Variants in PAK5 observed in about 807,000 individuals in gnomAD.
PAK5 encodes the protein p21 (RAC1) activated kinase 5, also known as serine/threonine-protein kinase PAK 5.
PAK5 carries 16 observed loss-of-function variants against 65.9 expected under a neutral mutation model. That is an observed-to-expected ratio of 0.24 (90% CI 0.16 to 0.37). The LOEUF (loss-of-function observed/expected upper bound fraction) is 0.37. PAK5 is among the 10% of genes least tolerant of loss of function. The pLI, the probability that PAK5 is intolerant of heterozygous loss-of-function variation, is 1.00. For synonymous variants in PAK5, 371 were observed against 354.9 expected (o/e 1.05, Z -0.51); for missense variants, 785 against 903.9 (o/e 0.87, Z 1.69).
rs556134977 is a variant in PAK5 at position 9,539,088 on chromosome 20, CTT to C, written c.*372_*373del. 2,822 of 207,168 alleles carry C rather than the reference CTT, an allele frequency of 0.014. No homozygotes were observed. Among genetic ancestry groups the C allele is most frequent in the Middle Eastern group, 0.019 (13 of 680 alleles). The allele number at this position is 207,168 out of a possible 1,614,324, so 12.8% of individuals were successfully genotyped here. A position where few individuals can be genotyped will look rare whatever the true frequency, so the allele number is the denominator to read the frequency against. ...AAGTGCTTTTTGTTTTCCTTTCTTT[CTT>C]TTTTTTTTTTTTTTGCCAGAAAAGT... On this transcript the variant is annotated 3_prime_UTR_variant, in exon 10 of 10. Transcript: ENST00000353224.
At chr20:9,745,992 G>A (rs4813897) in intron 1 of PAK5, among the ~76,000 whole-genome samples, 31,808 of 151,998 alleles carry the variant, frequency 0.21, 3,536 homozygotes, top group East Asian at 0.32. Flanking sequence ...ATGCATCAAA[G>A]AGAAGAAAGT....
intron 1 of PAK5, among the ~76,000 whole-genome samples, chr20:9,726,323 G>A (rs1249697737): frequency 1.3e-5 from 2 of 152,094 alleles, no homozygotes; most frequent in Non-Finnish European, 2.9e-5. Context: ...TTGCTCAGAA[G>A]TTTAAATTTA....
At chr20:9,715,431 C>T (rs2048131772) in intron 1 of PAK5, among the ~76,000 whole-genome samples, 1 of 152,114 alleles carries the variant, frequency 6.6e-6, no homozygotes, top group African/African-American at 2.4e-5. Flanking sequence ...AATAGGAACA[C>T]TTTTACACTG....
In PAK5 at chr20:9,565,920, T is replaced by C. The variant is rs1248240650; in HGVS notation, c.1455A>G (p.Gln485=). ...VAVKKMDLRK[Q]QRRELLFNEV... is the part of the protein sequence containing the mutation. ...CATTGAAAAGCAGTTCTCGTCTCTG[T>C]TGCTTCCGGAGGTCCATTTTCTTCA... Residue 485 remains glutamine, a synonymous_variant, in exon 5 of 10, where the codon CAA becomes CAG. Transcript: ENST00000353224. 1 of 1,613,610 alleles carries C rather than the reference T, an allele frequency of 6.2e-7. No individual in the cohort carries two copies. The highest frequency in any genetic ancestry group is 8.5e-7 in the Non-Finnish European group (1 of 1,179,732).
rs928494505 is a variant in PAK5, at chr20:9,598,467, A to G, written c.205-17537T>C. Among the ~76,000 whole-genome samples the G allele has an allele frequency of 9.8e-5, 15 of 152,330 alleles. No homozygotes were observed. In the East Asian group the frequency reaches 2.9e-3, roughly 29 times the overall value. ...TAGAATGATTAATGTTCCTTTGGGT[A>G]TATACCTAGTAATGGGATTGCTGGG... is the stretch of plus-strand genomic sequence containing the variant. On this transcript the variant is annotated intron_variant, in intron 3 of 9. Transcript: ENST00000353224.
intron 1 of PAK5, among the ~76,000 whole-genome samples, chr20:9,728,979 T>C (rs2048305988): frequency 6.6e-6 from 1 of 152,168 alleles, no homozygotes; most frequent in Non-Finnish European, 1.5e-5. Context: ...TGTATTATGG[T>C]TATACAATAT....
At chr20:9,570,487 G>A (rs1250812079) in intron 4 of PAK5, among the ~76,000 whole-genome samples, 1 of 152,146 alleles carries the variant, frequency 6.6e-6, no homozygotes, top group Non-Finnish European at 1.5e-5. Flanking sequence ...TGTGTATGAT[G>A]GAATGGGGAG....
At chr20:9,828,649 T>C (rs535154313) in intron 1 of PAK5, among the ~76,000 whole-genome samples, 2 of 152,328 alleles carry the variant, frequency 1.3e-5, no homozygotes, top group South Asian at 2.1e-4. Flanking sequence ...ATCATTATTA[T>C]ACAAACACCA....
At chr20:9,695,857 C>G (rs1405451876) in intron 2 of PAK5, among the ~76,000 whole-genome samples, 2 of 139,956 alleles carry the variant, frequency 1.4e-5, no homozygotes, top group Non-Finnish European at 3.2e-5. Context: ...CTATAAAAAC[C>G]AACCCTCAGC....
intron 3 of PAK5, among the ~76,000 whole-genome samples, chr20:9,632,688 G>T (rs1271246235): frequency 6.6e-6 from 1 of 152,184 alleles, no homozygotes; most frequent in African/African-American, 2.4e-5. Flanking sequence ...AATAATATCT[G>T]CTATTAATGT....
At chr20:9,623,786 G>T (rs1206314196) in intron 3 of PAK5, among the ~76,000 whole-genome samples, 1 of 152,122 alleles carries the variant, frequency 6.6e-6, no homozygotes, top group Non-Finnish European at 1.5e-5. Flanking sequence ...CCAAATGAAT[G>T]GTCCAACAGT....
intron 1 of PAK5, among the ~76,000 whole-genome samples, chr20:9,809,659 C>T (rs1289859551): frequency 6.6e-6 from 1 of 152,126 alleles, no homozygotes; most frequent in African/African-American, 2.4e-5. Context: ...TCAAACATTT[C>T]TTAAACTATT....
At position 9,697,772 on chromosome 20, in the gene PAK5, C is replaced by T. The variant is rs550740185; in HGVS notation, c.-12+13514G>A. On this transcript the variant is annotated intron_variant, in intron 2 of 9. Transcript: ENST00000353224. ...ATTATGACTTATTTTAAAAAGGAAGCTTTTAGACAATACTTCTTGTCCAAG... is the reference window on the plus strand; with the variant it reads ...ATTATGACTTATTTTAAAAAGGAAGTTTTTAGACAATACTTCTTGTCCAAG... Among the ~76,000 whole-genome samples the T allele has an allele frequency of 2.6e-5, 4 of 152,132 alleles. No individual in the cohort carries two copies. The East Asian group carries it at 5.8e-4, about 22-fold the overall frequency.
chr20:9,548,368 C>G (rs2045376046), intron 7 of PAK5, among the ~76,000 whole-genome samples: 1 of 147,974 alleles, frequency 6.8e-6, no homozygotes, highest in African/African-American at 2.5e-5. Flanking sequence ...TGATCACTCT[C>G]TTTTTTTTTT....
intron 3 of PAK5, among the ~76,000 whole-genome samples, chr20:9,598,319 A>T (rs1313349408): frequency 6.6e-6 from 1 of 152,208 alleles, no homozygotes; most frequent in Non-Finnish European, 1.5e-5. Flanking sequence ...GTGGTATTCC[A>T]TGGTGTATAC....
chr20:9,591,743 TA>T (rs2046175135), intron 3 of PAK5, among the ~76,000 whole-genome samples: 1 of 152,154 alleles, frequency 6.6e-6, no homozygotes, highest in African/African-American at 2.4e-5. Flanking sequence ...GGCCACAATG[TA>T]TTGCATTCTC....
chr20:9,550,035 C>T lies in PAK5; in HGVS notation c.1744-5541G>A, dbSNP rs1393066965. Reference sequence around the variant, plus strand: ...CTTCTAAATTGATTGACACCTGTCTCAGATACTGTTTCGTTTTACACCAGC... The same window carrying T: ...CTTCTAAATTGATTGACACCTGTCTTAGATACTGTTTCGTTTTACACCAGC... On this transcript the variant is annotated intron_variant, in intron 7 of 9. Transcript: ENST00000353224. 3.9e-5 allele frequency among the ~76,000 whole-genome samples: 6 copies of T among 152,162 alleles called. No individual in the cohort carries two copies. In the East Asian group the frequency reaches 1.2e-3, roughly 29 times the overall value.
intron 2 of PAK5, among the ~76,000 whole-genome samples, chr20:9,645,861 C>A (rs1191313019): frequency 6.6e-6 from 1 of 152,206 alleles, no homozygotes; most frequent in Middle Eastern, 3.2e-3. Flanking sequence ...GCTGGGATTA[C>A]AGGCATGAGC....
rs774758427 is a variant in PAK5, at chr20:9,562,986, A to C, written c.1521T>G (p.Val507=). ...CGACAAGGTAGCTGCTGTACATGTC[A>C]ACCACATTGTCATGGTGGTAATCCC... ...IMRDYHHDNV[V]DMYSSYLVGD... is the part of the protein sequence containing the mutation. The change falls in exon 6 of 10, where the codon GTT becomes GTG. Residue 507 remains valine, a synonymous_variant. Transcript: ENST00000353224. The C allele has an allele frequency of 5.6e-6, 9 of 1,613,104 alleles. No individual in the cohort carries two copies. Among genetic ancestry groups the C allele is most frequent in the Non-Finnish European group, 7.6e-6 (9 of 1,179,160 alleles).
Sources: gnomAD v4.1 joint callset for allele counts (sites outside exome capture counted in the v4.1 genomes callset) on GRCh38, gnomAD v4.1.1 for gene constraint, MANE v1.5 for transcripts, NCBI Gene and HGNC (gene_info 2026-07-23, HGNC 2026-07-21) for gene names.